The following DPP10 variants were observed in gnomAD, a reference collection of about 807,000 sequenced individuals.
DPP10 encodes the protein inactive dipeptidyl peptidase 10.
DPP10 carries 33 observed loss-of-function variants against 120.9 expected under a neutral mutation model. The ratio of observed to expected loss-of-function variants is 0.27; its 90% CI spans 0.21 to 0.37. DPP10 has a LOEUF of 0.37. Ranked by LOEUF, DPP10 falls within the 10% of genes least tolerant of loss-of-function variation. The pLI, the probability that DPP10 is intolerant of heterozygous loss-of-function variation, is 1.00. For missense variants in DPP10, 816 were observed against 942.8 expected, an observed-to-expected ratio of 0.87 and a Z score of 1.76; for synonymous variants, 337 against 326.1, an observed-to-expected ratio of 1.03 and a Z score of -0.36.
chr2:115,187,258 G>A (rs1412575513), intron 1 of DPP10, among the ~76,000 whole-genome samples: 3 of 150,992 alleles, frequency 2.0e-5, no homozygotes, highest in Non-Finnish European at 4.4e-5. Flanking sequence ...GGATGGTCTC[G>A]ATCTCCTGAC....
At chr2:115,459,985 A>G (rs929761425) in intron 3 of DPP10, among the ~76,000 whole-genome samples, 19 of 148,864 alleles carry the variant, frequency 1.3e-4, no homozygotes, top group African/African-American at 4.4e-4. Flanking sequence ...TATTGTGGCT[A>G]TAAAACAGAA....
chr2:114,643,406 A>G (rs2105441163), intron 1 of DPP10, among the ~76,000 whole-genome samples: 1 of 151,994 alleles, frequency 6.6e-6, no homozygotes, highest in South Asian at 2.1e-4. Flanking sequence ...TTGATAATCT[A>G]AGTGTCAAGG....
At chr2:115,500,906 A>G (rs984392817) in intron 4 of DPP10, among the ~76,000 whole-genome samples, 1 of 152,024 alleles carries the variant, frequency 6.6e-6, no homozygotes, top group Non-Finnish European at 1.5e-5. Flanking sequence ...AAAAGCCTAG[A>G]GAATCATTGA....
intron 1 of DPP10, among the ~76,000 whole-genome samples, chr2:114,861,720 G>A (rs532540173): frequency 6.6e-6 from 1 of 152,174 alleles, no homozygotes; most frequent in South Asian, 2.1e-4. Flanking sequence ...CTATAGGTTT[G>A]CAAGTATGAT....
intron 1 of DPP10, among the ~76,000 whole-genome samples, chr2:114,684,072 C>A (rs1300647205): frequency 6.6e-6 from 1 of 151,984 alleles, no homozygotes; most frequent in African/African-American, 2.4e-5. Context: ...TGCTCAGGGA[C>A]AATCCATGTC....
intron 1 of DPP10, among the ~76,000 whole-genome samples, chr2:115,015,512 C>T (rs1231331441): frequency 6.6e-6 from 1 of 151,810 alleles, no homozygotes; most frequent in Non-Finnish European, 1.5e-5. Context: ...GCAATCAGGC[C>T]AGAAAAAGAA....
chr2:114,632,530 G>A (rs1422374316), intron 1 of DPP10, among the ~76,000 whole-genome samples: 1 of 6,720 alleles, frequency 1.5e-4, no homozygotes, highest in Non-Finnish European at 3.3e-4. Context: ...TTTTTTTTTT[G>A]GAGAAGGAGT....
intron 3 of DPP10, among the ~76,000 whole-genome samples, chr2:115,495,365 G>GAAAAAAAAAAAA (rs3039998): frequency 1.2e-5 from 1 of 82,230 alleles, no homozygotes; most frequent in Admixed American, 2.0e-4. Flanking sequence ...GCCATTTTCT[G>GAAAAAAAAAAAA]AAAAAAAAAA....
At chr2:114,460,171 ATC>A (rs1471816074) in intron 1 of DPP10, among the ~76,000 whole-genome samples, 1 of 5,074 alleles carries the variant, frequency 2.0e-4, no homozygotes, top group Non-Finnish European at 6.2e-4. Context: ...TTGGGATGAT[ATC>A]TATCTATCTA....
intron 5 of DPP10, among the ~76,000 whole-genome samples, chr2:115,569,294 A>G (rs536885218): frequency 2.0e-5 from 3 of 152,344 alleles, no homozygotes; most frequent in Non-Finnish European, 2.9e-5. Flanking sequence ...TCAAAGACAT[A>G]TAATACTGCA....
chr2:114,565,063 G>A (rs1299424723), intron 1 of DPP10, among the ~76,000 whole-genome samples: 1 of 152,194 alleles, frequency 6.6e-6, no homozygotes, highest in African/African-American at 2.4e-5. Flanking sequence ...AATGTCAAGT[G>A]TAAGCCTCCT....
intron 5 of DPP10, among the ~76,000 whole-genome samples, chr2:115,530,844 C>T (rs1049727933): frequency 1.3e-4 from 20 of 152,076 alleles, no homozygotes; most frequent in Non-Finnish European, 1.9e-4. Context: ...GGTATAGCCC[C>T]AGCTTTGGAG....
At chr2:114,653,661 G>A (rs1696774180) in intron 1 of DPP10, among the ~76,000 whole-genome samples, 1 of 152,152 alleles carries the variant, frequency 6.6e-6, no homozygotes, top group Non-Finnish European at 1.5e-5. Context: ...CCTTCAATAA[G>A]ATAGAGCCTT....
chr2:115,158,786 G>A (rs556528792), intron 1 of DPP10, among the ~76,000 whole-genome samples: 1 of 152,178 alleles, frequency 6.6e-6, no homozygotes, highest in Non-Finnish European at 1.5e-5. Flanking sequence ...AAAATACTCT[G>A]TGAATCTTTT....
chr2:114,628,109 T>C (rs904383290), intron 1 of DPP10, among the ~76,000 whole-genome samples: 5 of 152,140 alleles, frequency 3.3e-5, no homozygotes, highest in African/African-American at 1.2e-4. Flanking sequence ...AAGAGTCATT[T>C]TGGGGCTTAT....
In DPP10 at chr2:115,077,445, G is replaced by A. The variant is rs530917919; in HGVS notation, c.61-231794G>A. ...TGACATCTAACCTCACCGGAAAACTGGAAAATTAGTCAAAATAGCAAATAA... is the reference window on the plus strand; with the variant it reads ...TGACATCTAACCTCACCGGAAAACTAGAAAATTAGTCAAAATAGCAAATAA... On this transcript the variant is annotated intron_variant, in intron 1 of 25. Coordinates refer to ENST00000410059, the MANE Select transcript of DPP10 (RefSeq NM_020868.6). Among the ~76,000 whole-genome samples the A allele has an allele frequency of 4.6e-5, 7 of 152,164 alleles. No individual in the cohort carries two copies. In the East Asian group the frequency reaches 1.4e-3, roughly 29 times the overall value.
intron 1 of DPP10, among the ~76,000 whole-genome samples, chr2:114,681,290 T>C (rs1388651378): frequency 6.6e-6 from 1 of 152,004 alleles, no homozygotes; most frequent in Non-Finnish European, 1.5e-5. Context: ...GTGATTCTCC[T>C]GATTCACTTA....
At chr2:115,274,003 C>T (rs1056185364) in intron 1 of DPP10, among the ~76,000 whole-genome samples, 4 of 152,042 alleles carry the variant, frequency 2.6e-5, no homozygotes, top group South Asian at 2.1e-4. Context: ...CCCACCTCTC[C>T]GAGAGTGGTG....
At chr2:115,014,858 C>T (rs12618420) in intron 1 of DPP10, among the ~76,000 whole-genome samples, 6,739 of 104,928 alleles carry the variant, frequency 0.064, 233 homozygotes, top group East Asian at 0.2. Flanking sequence ...AATAGCCTAC[C>T]AACCAAAAAA....
Sources: allele counts gnomAD v4.1 joint callset (sites outside exome capture counted in the v4.1 genomes callset), GRCh38; gene constraint gnomAD v4.1.1; transcripts MANE v1.5; gene names NCBI Gene and HGNC (gene_info 2026-07-23, HGNC 2026-07-21).